The following HTATIP2 variants were observed in gnomAD, a reference collection of about 807,000 sequenced individuals.
HTATIP2 encodes HIV-1 Tat interactive protein 2.
Under a neutral mutation model 24.7 loss-of-function variants are expected in HTATIP2, and 26 were observed. That is an observed-to-expected ratio of 1.05 (90% CI 0.77 to 1.46). The LOEUF is 1.46. HTATIP2 is among the 40% of genes most tolerant of loss of function. The pLI is 0.00. For synonymous variants in HTATIP2, 99 were observed against 113.2 expected (o/e 0.87, Z 0.79); for missense variants, 284 against 289.6 (o/e 0.98, Z 0.14).
At chr11:20,373,113 G>T (rs1254943997) in intron 2 of HTATIP2, among the ~76,000 whole-genome samples, 1 of 152,152 alleles carries the variant, frequency 6.6e-6, no homozygotes, top group Non-Finnish European at 1.5e-5. Flanking sequence ...ATTTAGCTTT[G>T]TCCAGAGAAC....
intron 1 of HTATIP2, among the ~76,000 whole-genome samples, chr11:20,365,079 G>T (rs1313919311): frequency 6.6e-6 from 1 of 151,438 alleles, no homozygotes; most frequent in East Asian, 1.9e-4. Context: ...TGCCTTTCAG[G>T]TTCAAGCGAT....
intron 2 of HTATIP2, among the ~76,000 whole-genome samples, chr11:20,373,557 A>C (rs183951903): frequency 6.6e-6 from 1 of 152,216 alleles, no homozygotes; most frequent in Non-Finnish European, 1.5e-5. Flanking sequence ...TGAAAGAAAA[A>C]GTATTTTAAC....
chr11:20,370,634 G>C (rs747948341), intron 2 of HTATIP2, among the ~76,000 whole-genome samples: 1 of 152,190 alleles, frequency 6.6e-6, no homozygotes, highest in Non-Finnish European at 1.5e-5. Context: ...CACCCTGTGA[G>C]CTAAGAATGT....
chr11:20,364,576 T>A, intron 1 of HTATIP2, 144 bp downstream of exon 1: 1 of 661,848 alleles, frequency 1.5e-6, no homozygotes, highest in Non-Finnish European at 2.5e-6. Context: ...TCTGTGAGAG[T>A]CCCTCCCAGA....
At position 20,383,287 on chromosome 11, in the gene HTATIP2, A is replaced by T. The variant is rs1392319824; in HGVS notation, c.*82A>T. 2.9e-6 allele frequency: 3 copies of T among 1,028,190 alleles called. No individual in the cohort carries two copies. The East Asian group carries it at 7.7e-5, about 26-fold the overall frequency. 63.7% of individuals were successfully genotyped at this position (1,028,190 alleles called of 1,614,324 possible). A position where few individuals can be genotyped will look rare whatever the true frequency, so the allele number is the denominator to read the frequency against. On this transcript the variant is annotated 3_prime_UTR_variant, in exon 5 of 5. Transcript: ENST00000451739. ...ATTTCAGGGTCTAAAAAAAGTCAGC[A>T]TGTTTTAACTTTGTTGTTTTACTAT...
At position 20,364,449 on chromosome 11, in the gene HTATIP2, G is replaced by A. The variant is rs780254299; in HGVS notation, c.195+17G>A. 7.0e-6 allele frequency: 11 copies of A among 1,571,452 alleles called. No individual in the cohort carries two copies. The East Asian group carries it at 2.5e-4, about 36-fold the overall frequency. On this transcript the variant is annotated intron_variant, in intron 1 of 4. Transcript: ENST00000451739. Reference sequence around the variant, plus strand: ...AAAAATGTGGTGGGTATTTCAGCTGGGACTCAAATGGACCCCCAGGATTCT... The same window carrying A: ...AAAAATGTGGTGGGTATTTCAGCTGAGACTCAAATGGACCCCCAGGATTCT...
intron 1 of HTATIP2, among the ~76,000 whole-genome samples, chr11:20,365,781 G>A (rs1053118485): frequency 2.0e-5 from 3 of 151,910 alleles, no homozygotes; most frequent in African/African-American, 7.2e-5. Flanking sequence ...GACCAGCCTG[G>A]CCAACATGGT....
chr11:20,367,327 T>C, intron 2 of HTATIP2, 46 bp downstream of exon 2: 4 of 1,613,054 alleles, frequency 2.5e-6, no homozygotes, highest in Middle Eastern at 1.7e-4. Context: ...GCCAGTAATA[T>C]CAAGGATTCT....
chr11:20,373,943 G>A (rs957738934), intron 2 of HTATIP2, among the ~76,000 whole-genome samples: 1 of 152,174 alleles, frequency 6.6e-6, no homozygotes. Flanking sequence ...TGGCAAGTCC[G>A]TTGTTCAGGA....
At chr11:20,365,721 C>G (rs2064693507) in intron 1 of HTATIP2, among the ~76,000 whole-genome samples, 1 of 152,032 alleles carries the variant, frequency 6.6e-6, no homozygotes, top group Non-Finnish European at 1.5e-5. Flanking sequence ...CCTGTAATCC[C>G]AGAGCTTTGG....
intron 4 of HTATIP2, among the ~76,000 whole-genome samples, 176 bp downstream of exon 4, chr11:20,382,415 G>A (rs1265673477): frequency 6.6e-6 from 1 of 152,200 alleles, no homozygotes; most frequent in Non-Finnish European, 1.5e-5. Flanking sequence ...AGGGTAGATG[G>A]TGGGGCCTGC....
intron 3 of HTATIP2, among the ~76,000 whole-genome samples, chr11:20,379,905 A>G (rs1054763165): frequency 3.9e-5 from 6 of 152,208 alleles, no homozygotes; most frequent in African/African-American, 1.4e-4. Flanking sequence ...CACAGCTACA[A>G]CTTATCGCAT....
chr11:20,369,834 G>C (rs931823269), intron 2 of HTATIP2, among the ~76,000 whole-genome samples: 1 of 152,100 alleles, frequency 6.6e-6, no homozygotes, highest in Non-Finnish European at 1.5e-5. Context: ...ACGCATTTTG[G>C]GGGGATGTAA....
chr11:20,373,254 C>T (rs913878550), intron 2 of HTATIP2, among the ~76,000 whole-genome samples: 3 of 152,020 alleles, frequency 2.0e-5, no homozygotes, highest in East Asian at 1.9e-4. Context: ...GTTAGCGAGG[C>T]GGGTGAAAGG....
chr11:20,367,282 G>C lies in HTATIP2; in HGVS notation c.303+1G>C. The stretch of plus-strand genomic sequence containing the variant: ...TACCACCAGAGGGAAAGCTGGGGCG[G>C]TAAGGAAGGCATATGCTCTTTTCCC... On this transcript the variant is annotated splice_donor_variant, in intron 2 of 4. Transcript: ENST00000451739. LOFTEE classifies it high-confidence loss of function. 1 of 1,614,004 alleles carries C rather than the reference G, an allele frequency of 6.2e-7. No homozygotes were observed. Among genetic ancestry groups the C allele is most frequent in the Non-Finnish European group, 8.5e-7 (1 of 1,180,022 alleles).
chr11:20,367,160 G>A lies in HTATIP2; in HGVS notation c.196-14G>A. The A allele has an allele frequency of 6.2e-7, 1 of 1,613,706 alleles. No homozygotes were observed. On this transcript the variant is annotated splice_polypyrimidine_tract_variant and intron_variant, in intron 1 of 4. Transcript: ENST00000451739. ...AAATAACATGAAACTACATACAACT[G>A]TGTCCTTGCCTAGAATCAAGAAGTG... is the stretch of plus-strand genomic sequence containing the variant.
chr11:20,364,982 GT>G (rs67369711), intron 1 of HTATIP2, among the ~76,000 whole-genome samples: 11,711 of 138,386 alleles, frequency 0.085, 960 homozygotes, highest in East Asian at 0.29. Flanking sequence ...TAAGTTAAAG[GT>G]TTTTTTTTTT....
At chr11:20,376,796 A>G (rs1848454132) in intron 3 of HTATIP2, 79 bp downstream of exon 3, 4 of 1,110,392 alleles carry the variant, frequency 3.6e-6, no homozygotes, top group Non-Finnish European at 3.8e-6. Flanking sequence ...AAAATATTAT[A>G]TAATACAAAA....
intron 1 of HTATIP2, 141 bp from the exon 2 acceptor site, chr11:20,367,033 G>C: frequency 1.0e-6 from 1 of 958,364 alleles, no homozygotes; most frequent in Non-Finnish European, 1.5e-6. Flanking sequence ...TTTTTGGTTG[G>C]AGAAAAGGAA....
Sources: allele counts gnomAD v4.1 joint callset (sites outside exome capture counted in the v4.1 genomes callset), GRCh38; gene constraint gnomAD v4.1.1; transcripts MANE v1.5; gene names NCBI Gene and HGNC (gene_info 2026-07-23, HGNC 2026-07-21).